Variants in CDH12 observed in about 807,000 individuals in gnomAD.
CDH12 encodes the protein cadherin-12.
Under a neutral mutation model 74.1 loss-of-function variants are expected in CDH12, and 41 were observed. That is an observed-to-expected ratio of 0.55 (90% confidence interval 0.43 to 0.72). CDH12 has a LOEUF of 0.72. CDH12 is among the 30% of genes least tolerant of loss of function. The pLI, the probability that CDH12 is intolerant of heterozygous loss-of-function variation, is 0.00. For missense variants in CDH12, 945 were observed against 977.2 expected (o/e 0.97, Z 0.44); for synonymous variants, 399 against 355.0 (o/e 1.12, Z -1.39).
chr5:22,268,812 C>T (rs1031576947), intron 3 of CDH12, among the ~76,000 whole-genome samples: 17 of 151,994 alleles, frequency 1.1e-4, no homozygotes, highest in African/African-American at 3.9e-4. Context: ...TGAGCACCTC[C>T]TATATAACAG....
chr5:21,772,207 T>C (rs1263208879), intron 11 of CDH12, among the ~76,000 whole-genome samples: 1 of 152,170 alleles, frequency 6.6e-6, no homozygotes, highest in Non-Finnish European at 1.5e-5. Flanking sequence ...CTGTCTTTGA[T>C]TATATCTCCT....
At chr5:22,673,388 T>C (rs1179850831) in intron 1 of CDH12, among the ~76,000 whole-genome samples, 4 of 152,152 alleles carry the variant, frequency 2.6e-5, no homozygotes, top group African/African-American at 7.2e-5. Flanking sequence ...TTGTAAAAGA[T>C]TGTGGTCTTA....
intron 1 of CDH12, among the ~76,000 whole-genome samples, chr5:22,664,845 C>A (rs1423977436): frequency 6.6e-6 from 1 of 152,088 alleles, no homozygotes; most frequent in East Asian, 1.9e-4. Context: ...AATTCAGCAA[C>A]AATTTATTAT....
chr5:21,960,396 T>C (rs1042063300), intron 6 of CDH12, among the ~76,000 whole-genome samples: 3 of 152,148 alleles, frequency 2.0e-5, no homozygotes, highest in African/African-American at 7.2e-5. Context: ...TAATCTCTAA[T>C]GCTTGTGAGT....
At chr5:22,432,692 G>T (rs887579892) in intron 2 of CDH12, among the ~76,000 whole-genome samples, 10 of 152,012 alleles carry the variant, frequency 6.6e-5, no homozygotes, top group African/African-American at 2.4e-4. Flanking sequence ...GACAATGTTT[G>T]ACCCTGTTTT....
intron 5 of CDH12, among the ~76,000 whole-genome samples, chr5:21,987,534 A>G (rs947685289): frequency 6.6e-6 from 1 of 152,156 alleles, no homozygotes; most frequent in African/African-American, 2.4e-5. Flanking sequence ...AATTGCAACT[A>G]TTTGGCTTTC....
At position 22,790,605 on chromosome 5, in the gene CDH12, T is replaced by C. The variant is rs1375948671; in HGVS notation, c.-523+62453A>G. On this transcript the variant is annotated intron_variant, in intron 1 of 14. Coordinates refer to ENST00000382254, the MANE Select transcript of CDH12 (RefSeq NM_004061.5). ...TTTCAAATATTTGAAGAAATCTATATTGAGAAAATATTACAGATATATTAT... is the reference window on the plus strand; with the variant it reads ...TTTCAAATATTTGAAGAAATCTATACTGAGAAAATATTACAGATATATTAT... Among the ~76,000 whole-genome samples, 4 of 151,684 alleles carry C rather than the reference T, an allele frequency of 2.6e-5. No individual in the cohort carries two copies. The East Asian group carries it at 5.8e-4, about 22-fold the overall frequency.
intron 1 of CDH12, among the ~76,000 whole-genome samples, chr5:22,811,117 A>G (rs148794880): frequency 5.8e-4 from 88 of 151,884 alleles, no homozygotes; most frequent in African/African-American, 2.1e-3. Context: ...ATATATACAT[A>G]TACATATATA....
intron 5 of CDH12, among the ~76,000 whole-genome samples, chr5:22,078,205 G>C (rs558473099): frequency 2.6e-5 from 4 of 152,168 alleles, no homozygotes; most frequent in African/African-American, 7.2e-5. Flanking sequence ...GTCAAAAATT[G>C]AACGAAATAT....
At chr5:22,078,323 G>T in intron 5 of CDH12, 123 bp downstream of exon 5, 1 of 783,428 alleles carries the variant, frequency 1.3e-6, no homozygotes, top group Non-Finnish European at 2.1e-6. Flanking sequence ...CAGGTCTCTT[G>T]GATTTCAATT....
At chr5:21,954,811 G>A (rs1376201032) in intron 6 of CDH12, among the ~76,000 whole-genome samples, 1 of 152,070 alleles carries the variant, frequency 6.6e-6, no homozygotes, top group African/African-American at 2.4e-5. Context: ...TCTTGTCTTA[G>A]TAGCTTTTAT....
intron 1 of CDH12, among the ~76,000 whole-genome samples, chr5:22,639,884 C>G (rs538034408): frequency 6.6e-6 from 1 of 152,132 alleles, no homozygotes; most frequent in Admixed American, 6.6e-5. Flanking sequence ...GAGTGACTTA[C>G]AGTCAACCTA....
chr5:21,764,124 C>A (rs1479946290), intron 12 of CDH12, among the ~76,000 whole-genome samples: 1 of 152,106 alleles, frequency 6.6e-6, no homozygotes, highest in Admixed American at 6.6e-5. Flanking sequence ...CCTGTAATCC[C>A]AGCACTTTGG....
chr5:22,429,329 C>G (rs974129183), intron 2 of CDH12, among the ~76,000 whole-genome samples: 4 of 151,590 alleles, frequency 2.6e-5, no homozygotes, highest in Non-Finnish European at 4.4e-5. Flanking sequence ...TTTAGAGACA[C>G]TTTTTTGCCA....
At chr5:22,381,118 G>T (rs1199051100) in intron 3 of CDH12, among the ~76,000 whole-genome samples, 1 of 151,964 alleles carries the variant, frequency 6.6e-6, no homozygotes, top group Non-Finnish European at 1.5e-5. Flanking sequence ...TCTTGTAGTT[G>T]ATCACAATTG....
intron 5 of CDH12, among the ~76,000 whole-genome samples, chr5:21,995,322 G>A (rs1442729904): frequency 1.3e-5 from 2 of 151,636 alleles, no homozygotes; most frequent in African/African-American, 4.8e-5. Context: ...AGAGGACAGA[G>A]CTTTCATCAT....
At chr5:22,592,019 A>C (rs1250548159) in intron 1 of CDH12, among the ~76,000 whole-genome samples, 1 of 152,090 alleles carries the variant, frequency 6.6e-6, no homozygotes, top group Non-Finnish European at 1.5e-5. Flanking sequence ...TTTATTTGCT[A>C]CTTTAATGTT....
chr5:22,825,171 G>C (rs1736217983), intron 1 of CDH12, among the ~76,000 whole-genome samples: 2 of 152,036 alleles, frequency 1.3e-5, no homozygotes, highest in African/African-American at 4.8e-5. Flanking sequence ...TCTAGACACT[G>C]ATAATATAGC....
At chr5:22,399,774 T>G (rs1217362574) in intron 3 of CDH12, among the ~76,000 whole-genome samples, 1 of 152,174 alleles carries the variant, frequency 6.6e-6, no homozygotes, top group Non-Finnish European at 1.5e-5. Context: ...ACTTATTACC[T>G]CAGTACAATT....
Sources: allele counts gnomAD v4.1 joint callset (sites outside exome capture counted in the v4.1 genomes callset), GRCh38; gene constraint gnomAD v4.1.1; transcripts MANE v1.5; gene names NCBI Gene and HGNC (gene_info 2026-07-23, HGNC 2026-07-21).